Variants in MCC observed in about 807,000 individuals in gnomAD.
The protein encoded by MCC is MCC regulator of Wnt signaling pathway, also known as colorectal mutant cancer protein.
Under a neutral mutation model 116.2 loss-of-function variants are expected in MCC, and 90 were observed. That is an observed-to-expected ratio of 0.77 (90% CI 0.65 to 0.92). The LOEUF is 0.92. MCC is among the 40% of genes least tolerant of loss of function. The pLI is 0.00. For synonymous variants in MCC, 578 were observed against 510.5 expected (o/e 1.13, Z -1.78); for missense variants, 1,516 against 1,312.2 (o/e 1.16, Z -2.40).
intron 3 of MCC, among the ~76,000 whole-genome samples, chr5:113,226,059 C>T (rs962638408): frequency 6.6e-6 from 1 of 152,326 alleles, no homozygotes; most frequent in Admixed American, 6.5e-5. Context: ...GCCTGTAATT[C>T]CAGCTACACA....
At chr5:113,066,516 A>G (rs1753614619) in intron 13 of MCC, among the ~76,000 whole-genome samples, 1 of 152,234 alleles carries the variant, frequency 6.6e-6, no homozygotes, top group Admixed American at 6.5e-5. Context: ...GGATCAGAGC[A>G]TCACTCTCCA....
intron 1 of MCC, among the ~76,000 whole-genome samples, chr5:113,437,773 C>T (rs1282906973): frequency 6.6e-6 from 1 of 152,098 alleles, no homozygotes; most frequent in Non-Finnish European, 1.5e-5. Flanking sequence ...ATCTATATCC[C>T]AGATAGTTGA....
At chr5:113,339,438 T>TGTGTGTGCGCGCGC (rs145838279) in intron 3 of MCC, among the ~76,000 whole-genome samples, 9 of 149,554 alleles carry the variant, frequency 6.0e-5, no homozygotes, top group South Asian at 4.2e-4. Context: ...TGTGTGTGTG[T>TGTGTGTGCGCGCGC]GCGTGCATGT....
At chr5:113,198,916 A>G (rs1459734995) in intron 3 of MCC, among the ~76,000 whole-genome samples, 1 of 151,946 alleles carries the variant, frequency 6.6e-6, no homozygotes, top group Non-Finnish European at 1.5e-5. Flanking sequence ...AATGAAATCA[A>G]TAGGCCAGGG....
intron 1 of MCC, among the ~76,000 whole-genome samples, chr5:113,421,162 C>T (rs1164122835): frequency 2.0e-5 from 3 of 151,910 alleles, no homozygotes; most frequent in Admixed American, 6.6e-5. Flanking sequence ...GTAGCTGAGA[C>T]TACAGGCACG....
chr5:113,356,286 C>G (rs1034771453), intron 2 of MCC, among the ~76,000 whole-genome samples: 3 of 151,142 alleles, frequency 2.0e-5, no homozygotes, highest in Non-Finnish European at 4.4e-5. Context: ...ATCCTCGTGC[C>G]TCGACCTCCC....
At chr5:113,452,772 C>G (rs1771437369) in intron 1 of MCC, among the ~76,000 whole-genome samples, 1 of 152,182 alleles carries the variant, frequency 6.6e-6, no homozygotes, top group African/African-American at 2.4e-5. Context: ...ATGTTCAAGT[C>G]TAAGATTATG....
intron 1 of MCC, among the ~76,000 whole-genome samples, chr5:113,445,217 C>T (rs7709818): frequency 0.12 from 17,503 of 152,046 alleles, 1,743 homozygotes; most frequent in African/African-American, 0.27. Flanking sequence ...ACATCATATA[C>T]TTAAAATTTC....
At position 113,235,702 on chromosome 5, in the gene MCC, A is replaced by G. The variant is rs193043656; in HGVS notation, c.628-84280T>C. The stretch of plus-strand genomic sequence containing the variant: ...AAGTATTCCTTCACTTAAGGTGTAA[A>G]GAAGATTTCTGGACTGGGCACCATT... On this transcript the variant is annotated intron_variant, in intron 3 of 18. Transcript: ENST00000408903. Among the ~76,000 whole-genome samples, 31 of 152,350 alleles carry G rather than the reference A, an allele frequency of 2.0e-4. 4 individuals are homozygous for G. The highest frequency in any genetic ancestry group is 7.2e-4 in the Admixed American group (11 of 15,298).
intron 3 of MCC, among the ~76,000 whole-genome samples, chr5:113,318,022 A>G (rs1288086134): frequency 6.6e-6 from 1 of 152,232 alleles, no homozygotes; most frequent in Non-Finnish European, 1.5e-5. Flanking sequence ...AAGCAAATCA[A>G]TTATGAAGAG....
intron 5 of MCC, among the ~76,000 whole-genome samples, chr5:113,123,708 A>G (rs1757865341): frequency 2.0e-5 from 3 of 152,214 alleles, no homozygotes; most frequent in Non-Finnish European, 4.4e-5. Context: ...GGACACAGGT[A>G]TGGAGACAGC....
intron 5 of MCC, among the ~76,000 whole-genome samples, chr5:113,132,397 T>TACAC (rs372593344): frequency 1.8e-4 from 12 of 68,458 alleles, no homozygotes; most frequent in East Asian, 1.3e-3. Context: ...CATATATATA[T>TACAC]ACATACATAC....
Position 113,364,086 on chromosome 5 carries a change from C to T in MCC, c.415+20882G>A, listed in dbSNP as rs544846998. ...GTCTGTACTAAAATGCAAAAATTAG[C>T]TGGGCATGGTGGTGGGTGCCTGTAA... On this transcript the variant is annotated intron_variant, in intron 2 of 18. Transcript: ENST00000408903. 3.9e-5 allele frequency among the ~76,000 whole-genome samples: 6 copies of T among 151,966 alleles called. No individual in the cohort carries two copies. In the South Asian group the frequency reaches 8.3e-4, roughly 21 times the overall value.
chr5:113,046,685 CAAAAAAAAAAAAAAAAAAAAA>C (rs151183145), intron 16 of MCC, among the ~76,000 whole-genome samples: 1 of 58,396 alleles, frequency 1.7e-5, no homozygotes, highest in South Asian at 8.7e-4. Flanking sequence ...ACTCAAAAGG[CAAAAAAAAAAAAAAAAAAAAA>C]AAAAAGAGAG....
At chr5:113,234,580 A>C (rs1342518480) in intron 3 of MCC, 3 of 152,186 alleles carry the variant, frequency 2.0e-5, no homozygotes, top group African/African-American at 7.2e-5. Context: ...CAAATCCCTC[A>C]AAAGAGGTCT....
chr5:113,083,086 G>T lies in MCC; in HGVS notation c.1636-78C>A, dbSNP rs765897310. ...TGTTTTGCATGCAAAAGAATTTAAA[G>T]CTGATATTCCGTGAGAATCGGGGAC... On this transcript the variant is annotated intron_variant, in intron 10 of 18. Coordinates refer to ENST00000408903, the MANE Select transcript of MCC (RefSeq NM_001085377.2). 2.1e-6 allele frequency: 3 copies of T among 1,404,820 alleles called. No homozygotes were observed. The African/African-American group carries it at 4.3e-5, about 20-fold the overall frequency. 87.0% of individuals were successfully genotyped at this position (1,404,820 alleles called of 1,614,324 possible).
At chr5:113,068,945 A>G (rs1380705934) in intron 12 of MCC, among the ~76,000 whole-genome samples, 2 of 152,278 alleles carry the variant, frequency 1.3e-5, no homozygotes, top group Admixed American at 1.3e-4. Flanking sequence ...GTAAGTGATT[A>G]GTCATACAAC....
chr5:113,071,324 C>T (rs1290775374), intron 11 of MCC, 90 bp from the exon 12 acceptor site: 2 of 1,406,094 alleles, frequency 1.4e-6, no homozygotes, highest in Admixed American at 1.9e-5. Flanking sequence ...GGCAGAAAAG[C>T]ATGTGAGGAT....
intron 1 of MCC, among the ~76,000 whole-genome samples, chr5:113,464,923 TA>T (rs1284948810): frequency 6.6e-6 from 1 of 152,030 alleles, no homozygotes; most frequent in Non-Finnish European, 1.5e-5. Flanking sequence ...CTGACTGACA[TA>T]AAAAAGACTT....
Sources: gnomAD v4.1 joint callset for allele counts (sites outside exome capture counted in the v4.1 genomes callset) on GRCh38, gnomAD v4.1.1 for gene constraint, MANE v1.5 for transcripts, NCBI Gene and HGNC (gene_info 2026-07-23, HGNC 2026-07-21) for gene names.